NSL1: variants seen among roughly 807,000 people sequenced by gnomAD.
The protein encoded by NSL1 is kinetochore-associated protein NSL1 homolog.
A neutral mutation model predicts 25.4 loss-of-function variants in NSL1; 11 were observed. That is an observed-to-expected ratio of 0.43 (90% CI 0.27 to 0.72). The LOEUF (loss-of-function observed/expected upper bound fraction) is 0.72, where lower values mean the gene tolerates loss of function less well. Among genes scored for constraint, NSL1 ranks in the 30% least tolerant of loss-of-function variants. The pLI is 0.19. For synonymous variants in NSL1, 118 were observed against 120.6 expected (o/e 0.98, Z 0.14); for missense variants, 330 against 342.7 (o/e 0.96, Z 0.29).
chr1:212,750,745 G>A (rs557213064), intron 4 of NSL1, among the ~76,000 whole-genome samples: 2 of 152,122 alleles, frequency 1.3e-5, no homozygotes, highest in African/African-American at 4.8e-5. Flanking sequence ...TTCGAGACTA[G>A]CCTGGCTAAC....
rs752598494 is a variant in NSL1, at chr1:212,733,869, A to G, written c.*4539T>C. 5.9e-5 allele frequency among the ~76,000 whole-genome samples: 9 copies of G among 152,202 alleles called. No individual in the cohort carries two copies. Among genetic ancestry groups the G allele is most frequent in the Non-Finnish European group, 5.9e-5 (4 of 68,036 alleles). ...TGGTAACTGCATTATCTCTTTGATA[A>G]TTTTGACTCTGCTGCTTTTTCTGCA... On this transcript the variant is annotated 3_prime_UTR_variant, in exon 6 of 6. Transcript: ENST00000366977.
At chr1:212,746,873 C>G (rs545792011) in intron 4 of NSL1, among the ~76,000 whole-genome samples, 2 of 152,304 alleles carry the variant, frequency 1.3e-5, no homozygotes, top group African/African-American at 4.8e-5. Context: ...TGGCCAGGTG[C>G]GGTGGCCCAG....
At position 212,740,782 on chromosome 1, in the gene NSL1, A is replaced by C. The variant is rs74952470; in HGVS notation, c.500-1181T>G. ...TATTCTAAAATTTCAGAATGTTTTAAAATAAAATTTAAAATGTAAGTAGAA... is the reference window on the plus strand; with the variant it reads ...TATTCTAAAATTTCAGAATGTTTTACAATAAAATTTAAAATGTAAGTAGAA... On this transcript the variant is annotated intron_variant, in intron 4 of 5. Transcript: ENST00000366977. 2.1e-4 allele frequency among the ~76,000 whole-genome samples: 32 copies of C among 152,348 alleles called. No individual in the cohort carries two copies. The East Asian group carries it at 5.8e-3, about 28-fold the overall frequency.
intron 1 of NSL1, among the ~76,000 whole-genome samples, chr1:212,787,934 A>C (rs956802663): frequency 1.3e-5 from 2 of 152,196 alleles, no homozygotes; most frequent in African/African-American, 4.8e-5. Flanking sequence ...AAAATCTAAC[A>C]AATTTAGGCT....
intron 4 of NSL1, among the ~76,000 whole-genome samples, chr1:212,776,686 C>A (rs1385140347): frequency 6.7e-6 from 1 of 150,060 alleles, no homozygotes; most frequent in Non-Finnish European, 1.5e-5. Context: ...CAATGGAAGG[C>A]AATAAAAGGA....
At chr1:212,762,576 C>A (rs2102455518) in intron 4 of NSL1, among the ~76,000 whole-genome samples, 1 of 152,272 alleles carries the variant, frequency 6.6e-6, no homozygotes, top group East Asian at 1.9e-4. Context: ...CACAAACCCT[C>A]TGAAAGAAGC....
At chr1:212,766,860 A>C (rs571805046) in intron 4 of NSL1, among the ~76,000 whole-genome samples, 1 of 152,248 alleles carries the variant, frequency 6.6e-6, no homozygotes. Flanking sequence ...AAACAAACAA[A>C]AACTTAGGAA....
chr1:212,781,348 A>C (rs934507031), intron 4 of NSL1, among the ~76,000 whole-genome samples: 2 of 152,212 alleles, frequency 1.3e-5, no homozygotes, highest in African/African-American at 4.8e-5. Context: ...ATAATACCAC[A>C]AGTTTCAATT....
intron 4 of NSL1, chr1:212,766,252 T>C (rs1173067849): frequency 7.8e-6 from 5 of 644,772 alleles, no homozygotes; most frequent in Non-Finnish European, 1.4e-5. Context: ...TGGGGAAAAG[T>C]TGAAAGCATT....
In NSL1 at chr1:212,737,636, AT is replaced by A; in HGVS notation, c.*771del. ...CACTTTGCCAGTGTATTAATCTGATATATATTTTGAACTGGAATGATTTGTA... is the reference window on the plus strand; with the variant it reads ...CACTTTGCCAGTGTATTAATCTGATAATATTTTGAACTGGAATGATTTGTA... On this transcript the variant is annotated 3_prime_UTR_variant, in exon 6 of 6. Coordinates refer to ENST00000366977, the MANE Select transcript of NSL1 (RefSeq NM_015471.4). 1 of 945,170 alleles carries A rather than the reference AT, an allele frequency of 1.1e-6. No homozygotes were observed. Among genetic ancestry groups the A allele is most frequent in the Non-Finnish European group, 1.3e-6 (1 of 793,128 alleles). 58.5% of individuals were successfully genotyped at this position (945,170 alleles called of 1,614,324 possible). A position where few individuals can be genotyped will look rare whatever the true frequency, so the allele number is the denominator to read the frequency against.
Position 212,732,923 on chromosome 1 carries a change from A to G in NSL1, c.*5485T>C, listed in dbSNP as rs947939617. Among the ~76,000 whole-genome samples the G allele has an allele frequency of 6.6e-6, 1 of 152,022 alleles. No individual in the cohort carries two copies. The highest frequency in any genetic ancestry group is 6.6e-5 in the Admixed American group (1 of 15,266). On this transcript the variant is annotated 3_prime_UTR_variant, in exon 6 of 6. Transcript: ENST00000366977. ...TCTCCAGATGCTTCTAGATTTTAGG[A>G]TTGTTGTTTAGTAATCTGATGCCAT... is the stretch of plus-strand genomic sequence containing the variant.
At chr1:212,781,844 ATTTG>A (rs757135311) in intron 4 of NSL1, 13 of 192,452 alleles carry the variant, frequency 6.8e-5, no homozygotes, top group South Asian at 1.8e-4. Context: ...ATTTACATAA[ATTTG>A]TTTGTGTCAA....
chr1:212,770,203 C>A (rs1427799183), intron 4 of NSL1, among the ~76,000 whole-genome samples: 1 of 151,988 alleles, frequency 6.6e-6, no homozygotes, highest in Non-Finnish European at 1.5e-5. Context: ...CAAATATTAT[C>A]AATCTAAAGA....
In NSL1 at chr1:212,728,917, T is replaced by A; in HGVS notation, c.*9491A>T. Reference sequence around the variant, plus strand: ...TCCACCACTCTGGCAAAGAGCAGTGTTTATTTGTGTGTTTGAACGTTTGTT... The same window carrying A: ...TCCACCACTCTGGCAAAGAGCAGTGATTATTTGTGTGTTTGAACGTTTGTT... On this transcript the variant is annotated 3_prime_UTR_variant, in exon 6 of 6. Coordinates refer to ENST00000366977, the MANE Select transcript of NSL1 (RefSeq NM_015471.4). 5.1e-6 allele frequency: 5 copies of A among 985,336 alleles called. No individual in the cohort carries two copies. The highest frequency in any genetic ancestry group is 6.0e-6 in the Non-Finnish European group (5 of 829,906). 61.0% of individuals were successfully genotyped at this position (985,336 alleles called of 1,614,324 possible).
intron 2 of NSL1, among the ~76,000 whole-genome samples, chr1:212,787,306 A>T (rs1185406734): frequency 6.6e-6 from 1 of 152,184 alleles, no homozygotes; most frequent in East Asian, 1.9e-4. Context: ...CAAAAATACA[A>T]CTTGCTTTGT....
In NSL1 at chr1:212,735,278, G is replaced by T; in HGVS notation, c.*3130C>A. The T allele has an allele frequency of 2.0e-6, 2 of 980,732 alleles. No homozygotes were observed. 60.8% of individuals were successfully genotyped at this position (980,732 alleles called of 1,614,324 possible). A position where few individuals can be genotyped will look rare whatever the true frequency, so the allele number is the denominator to read the frequency against. On this transcript the variant is annotated 3_prime_UTR_variant, in exon 6 of 6. Coordinates refer to ENST00000366977, the MANE Select transcript of NSL1 (RefSeq NM_015471.4). ...TGAACTCAGATGATCTGGCTTAGAG[G>T]CTGTGCTCTTAAGATCTCTGACTTT... is the stretch of plus-strand genomic sequence containing the variant.
chr1:212,788,731 A>T (rs974600689), intron 1 of NSL1, among the ~76,000 whole-genome samples: 14 of 152,360 alleles, frequency 9.2e-5, no homozygotes, highest in Non-Finnish European at 1.6e-4. Context: ...TGAAATTTTT[A>T]AAATTGTGGG....
rs569477210 is a variant in NSL1, at chr1:212,733,123, T to C, written c.*5285A>G. Among the ~76,000 whole-genome samples, 4 of 152,262 alleles carry C rather than the reference T, an allele frequency of 2.6e-5. No individual in the cohort carries two copies. Among genetic ancestry groups the C allele is most frequent in the East Asian group, 3.9e-4 (2 of 5,178 alleles). Reference sequence around the variant, plus strand: ...AGTCGTGAATCACCATAATCAAATTTAGAGGGTTTTCATCACCCTCAAAAG... The same window carrying C: ...AGTCGTGAATCACCATAATCAAATTCAGAGGGTTTTCATCACCCTCAAAAG... On this transcript the variant is annotated 3_prime_UTR_variant, in exon 6 of 6. Coordinates refer to ENST00000366977, the MANE Select transcript of NSL1 (RefSeq NM_015471.4).
chr1:212,778,551 G>C (rs1045294034), intron 4 of NSL1, among the ~76,000 whole-genome samples: 2 of 148,486 alleles, frequency 1.3e-5, no homozygotes, highest in East Asian at 2.0e-4. Flanking sequence ...GGCGCGCGCC[G>C]CCACGCCTGA....
Sources: allele counts gnomAD v4.1 joint callset (sites outside exome capture counted in the v4.1 genomes callset), GRCh38; gene constraint gnomAD v4.1.1; transcripts MANE v1.5; gene names NCBI Gene and HGNC (gene_info 2026-07-23, HGNC 2026-07-21).